LARS2: variants seen among roughly 807,000 people sequenced by gnomAD.
LARS2 encodes leucyl-tRNA synthetase 2, mitochondrial.
Under a neutral mutation model 116.6 loss-of-function variants are expected in LARS2, and 81 were observed. That is an observed-to-expected ratio of 0.69 (90% CI 0.58 to 0.84). LARS2 has a LOEUF of 0.84. LARS2 is among the 40% of genes least tolerant of loss of function. The pLI is 0.00. For synonymous variants in LARS2, 396 were observed against 407.2 expected, an observed-to-expected ratio of 0.97 and a Z score of 0.33; for missense variants, 968 against 1,114.5, an observed-to-expected ratio of 0.87 and a Z score of 1.87.
At chr3:45,541,992 C>A in intron 21 of LARS2, 36 bp downstream of exon 21, 1 of 1,610,334 alleles carries the variant, frequency 6.2e-7, no homozygotes, top group South Asian at 1.1e-5. Flanking sequence ...ACCCAGCAGT[C>A]CCTGCCCTGC....
At chr3:45,540,774 A>G (rs536728750) in intron 20 of LARS2, among the ~76,000 whole-genome samples, 16 of 151,710 alleles carry the variant, frequency 1.1e-4, no homozygotes, top group African/African-American at 1.7e-4. Context: ...CTATCTATCT[A>G]TCTATCTATC....
At chr3:45,395,141 C>T (rs1321242895) in intron 3 of LARS2, among the ~76,000 whole-genome samples, 1 of 152,196 alleles carries the variant, frequency 6.6e-6, no homozygotes, top group African/African-American at 2.4e-5. Context: ...CCAGGAGAGG[C>T]ACCTGGGCTC....
At chr3:45,541,389 C>T (rs537591785) in intron 20 of LARS2, among the ~76,000 whole-genome samples, 2 of 152,218 alleles carry the variant, frequency 1.3e-5, no homozygotes, top group South Asian at 4.2e-4. Context: ...TGCATCCTGG[C>T]TCCAGTAATT....
rs115305522 is a variant in LARS2, at chr3:45,408,009, C to T, written c.363+7636C>T. 9.0e-3 allele frequency among the ~76,000 whole-genome samples: 1,376 copies of T among 152,278 alleles called. 29 individuals carry two copies. Among genetic ancestry groups the T allele is most frequent in the Admixed American group, 0.052 (799 of 15,296 alleles). ...ATGAATTCCCATATTCCACCTATAA[C>T]AAAAAGAAATACAACATAGATAAGT... On this transcript the variant is annotated intron_variant, in intron 4 of 21. Coordinates refer to ENST00000645846, the MANE Select transcript of LARS2 (RefSeq NM_015340.4).
intron 20 of LARS2, among the ~76,000 whole-genome samples, chr3:45,541,304 G>A (rs1025648908): frequency 1.3e-5 from 2 of 152,086 alleles, no homozygotes; most frequent in Non-Finnish European, 2.9e-5. Flanking sequence ...TAAACGGAGG[G>A]CTCCTCTCCC....
intron 19 of LARS2, 94 bp from the exon 20 acceptor site, chr3:45,523,903 C>T (rs1478316599): frequency 1.1e-6 from 1 of 880,868 alleles, no homozygotes; most frequent in Non-Finnish European, 1.9e-6. Flanking sequence ...TTCCTACCAG[C>T]TTGTGTCTCT....
intron 4 of LARS2, among the ~76,000 whole-genome samples, chr3:45,401,047 G>A (rs1332011757): frequency 1.3e-5 from 2 of 152,112 alleles, no homozygotes; most frequent in Non-Finnish European, 2.9e-5. Flanking sequence ...TCCTGGCCTC[G>A]TGATCCGCCC....
intron 4 of LARS2, among the ~76,000 whole-genome samples, chr3:45,415,748 T>C (rs969815673): frequency 1.3e-5 from 2 of 151,274 alleles, no homozygotes; most frequent in African/African-American, 4.9e-5. Context: ...CTGGGGAGGC[T>C]CAGGCAGGAG....
At chr3:45,517,119 A>C (rs915369589) in intron 17 of LARS2, among the ~76,000 whole-genome samples, 12 of 152,156 alleles carry the variant, frequency 7.9e-5, no homozygotes, top group African/African-American at 2.7e-4. Context: ...CCAGTCCTAG[A>C]ACTAGCTGCC....
chr3:45,450,619 A>G (rs1575263119), intron 7 of LARS2, among the ~76,000 whole-genome samples: 1 of 152,278 alleles, frequency 6.6e-6, no homozygotes, highest in East Asian at 1.9e-4. Context: ...CCATTAATCC[A>G]CTGATGGACA....
At chr3:45,390,554 T>A (rs974518663) in intron 1 of LARS2, among the ~76,000 whole-genome samples, 1 of 151,780 alleles carries the variant, frequency 6.6e-6, no homozygotes, top group Admixed American at 6.6e-5. Flanking sequence ...CCTCGTGATC[T>A]GCCCGCCTCA....
At chr3:45,417,742 T>G (rs1175864020) in intron 5 of LARS2, among the ~76,000 whole-genome samples, 169 bp downstream of exon 5, 1 of 152,256 alleles carries the variant, frequency 6.6e-6, no homozygotes, top group African/African-American at 2.4e-5. Context: ...TGTATTCTTA[T>G]CTAAGAAATA....
At chr3:45,540,900 C>T (rs1186018258) in intron 20 of LARS2, among the ~76,000 whole-genome samples, 1 of 152,166 alleles carries the variant, frequency 6.6e-6, no homozygotes, top group East Asian at 1.9e-4. Flanking sequence ...GTCCTCCTGC[C>T]TCAGCCTCCC....
chr3:45,534,768 T>G (rs1191571988), intron 20 of LARS2, among the ~76,000 whole-genome samples: 1 of 152,208 alleles, frequency 6.6e-6, no homozygotes, highest in Non-Finnish European at 1.5e-5. Context: ...CTAACAGTCC[T>G]CTATCAATTG....
chr3:45,534,462 AT>A (rs1490685433), intron 20 of LARS2, among the ~76,000 whole-genome samples: 5 of 152,112 alleles, frequency 3.3e-5, no homozygotes, highest in African/African-American at 1.2e-4. Context: ...GACAGCTTTT[AT>A]GCATATTTCA....
intron 14 of LARS2, among the ~76,000 whole-genome samples, chr3:45,497,429 C>T (rs1559488279): frequency 2.0e-5 from 3 of 152,152 alleles, no homozygotes; most frequent in Admixed American, 1.3e-4. Context: ...AGGGCCTTGC[C>T]TAATTGCTCT....
chr3:45,530,668 A>G (rs1339252785), intron 20 of LARS2, among the ~76,000 whole-genome samples: 4 of 152,190 alleles, frequency 2.6e-5, no homozygotes, highest in African/African-American at 7.2e-5. Flanking sequence ...ATATGAATCT[A>G]TTTAAGACTC....
intron 8 of LARS2, among the ~76,000 whole-genome samples, chr3:45,469,683 G>A (rs937523565): frequency 1.3e-5 from 2 of 151,978 alleles, no homozygotes; most frequent in South Asian, 4.2e-4. Flanking sequence ...CAGAGTCAAA[G>A]CAGGACAGGG....
At chr3:45,457,283 G>C (rs1699228964) in intron 7 of LARS2, among the ~76,000 whole-genome samples, 1 of 152,260 alleles carries the variant, frequency 6.6e-6, no homozygotes, top group African/African-American at 2.4e-5. Flanking sequence ...AGGGAATGCA[G>C]GTCGCAGAGG....
Sources: gnomAD v4.1 joint callset for allele counts (sites outside exome capture counted in the v4.1 genomes callset) on GRCh38, gnomAD v4.1.1 for gene constraint, MANE v1.5 for transcripts, NCBI Gene and HGNC (gene_info 2026-07-23, HGNC 2026-07-21) for gene names.